The following KCNAB1 variants were observed in gnomAD, a reference collection of about 807,000 sequenced individuals.
KCNAB1 encodes potassium voltage-gated channel subfamily A regulatory beta subunit 1, also known as voltage-gated potassium channel subunit beta-1.
KCNAB1 carries 35 observed loss-of-function variants against 64.6 expected under a neutral mutation model. The ratio of observed to expected loss-of-function variants is 0.54; its 90% CI spans 0.41 to 0.72. KCNAB1 has a LOEUF of 0.72. KCNAB1 is among the 30% of genes least tolerant of loss of function. KCNAB1 has a pLI of 0.00. For missense variants in KCNAB1, 401 were observed against 512.9 expected, an observed-to-expected ratio of 0.78 and a Z score of 2.11; for synonymous variants, 177 against 183.8, an observed-to-expected ratio of 0.96 and a Z score of 0.30.
chr3:156,168,628 C>T (rs1711760658), intron 1 of KCNAB1, among the ~76,000 whole-genome samples: 2 of 152,072 alleles, frequency 1.3e-5, no homozygotes, highest in South Asian at 4.1e-4. Context: ...AACATGGATA[C>T]ATCAAAATGT....
intron 1 of KCNAB1, among the ~76,000 whole-genome samples, chr3:156,359,141 A>G (rs1725442841): frequency 6.6e-6 from 1 of 152,206 alleles, no homozygotes; most frequent in Non-Finnish European, 1.5e-5. Flanking sequence ...TTCTTTCAAA[A>G]TCATACTGTT....
chr3:156,215,377 A>C (rs1391849118), intron 1 of KCNAB1, among the ~76,000 whole-genome samples: 1 of 152,194 alleles, frequency 6.6e-6, no homozygotes, highest in Non-Finnish European at 1.5e-5. Context: ...GAGATGGATA[A>C]ATTTAGTTTC....
chr3:156,160,101 G>T (rs1715987418), intron 1 of KCNAB1, among the ~76,000 whole-genome samples: 1 of 152,186 alleles, frequency 6.6e-6, no homozygotes, highest in Non-Finnish European at 1.5e-5. Flanking sequence ...CATTCACAGG[G>T]TTGGATAAGA....
chr3:156,138,520 C>T (rs1714505417), intron 1 of KCNAB1, among the ~76,000 whole-genome samples: 1 of 152,196 alleles, frequency 6.6e-6, no homozygotes, highest in Non-Finnish European at 1.5e-5. Flanking sequence ...TTCAACAAAT[C>T]ACCTCGTTAG....
intron 1 of KCNAB1, among the ~76,000 whole-genome samples, chr3:156,403,331 G>A (rs1262584173): frequency 6.6e-6 from 1 of 152,158 alleles, no homozygotes; most frequent in Non-Finnish European, 1.5e-5. Context: ...GGCATCCAAG[G>A]ACCTGAGGAA....
chr3:156,434,405 A>G (rs1274591747), intron 2 of KCNAB1, among the ~76,000 whole-genome samples: 2 of 152,256 alleles, frequency 1.3e-5, no homozygotes, highest in African/African-American at 4.8e-5. Flanking sequence ...CTGTCAGCAT[A>G]TACAGACAGC....
intron 8 of KCNAB1, among the ~76,000 whole-genome samples, chr3:156,475,879 A>G (rs1263327517): frequency 6.6e-6 from 1 of 152,214 alleles, no homozygotes; most frequent in African/African-American, 2.4e-5. Flanking sequence ...CATTTGTCTC[A>G]TTCTCAACTA....
At chr3:156,462,587 G>T (rs186308649) in intron 5 of KCNAB1, among the ~76,000 whole-genome samples, 1 of 152,260 alleles carries the variant, frequency 6.6e-6, no homozygotes, top group African/African-American at 2.4e-5. Flanking sequence ...GGATGGGGCT[G>T]CTAACATTTT....
At chr3:156,291,866 T>C (rs368507650) in intron 1 of KCNAB1, 5 of 1,611,320 alleles carry the variant, frequency 3.1e-6, no homozygotes, top group Non-Finnish European at 8.5e-7. Context: ...ACTGCCTGTG[T>C]TCTGGGGTTC....
intron 1 of KCNAB1, chr3:156,292,171 A>G (rs1022912396): frequency 6.2e-7 from 1 of 1,601,864 alleles, no homozygotes; most frequent in Non-Finnish European, 8.5e-7. Context: ...TCCAGGTTCT[A>G]TACAGGTGCA....
chr3:156,328,214 G>A (rs1723106047), intron 1 of KCNAB1, among the ~76,000 whole-genome samples: 1 of 152,132 alleles, frequency 6.6e-6, no homozygotes. Flanking sequence ...TGGTAAATGA[G>A]GCTGGATAGT....
At chr3:156,262,177 G>A (rs1718470101) in intron 1 of KCNAB1, among the ~76,000 whole-genome samples, 1 of 151,742 alleles carries the variant, frequency 6.6e-6, no homozygotes, top group African/African-American at 2.4e-5. Context: ...TCAAGTCTGG[G>A]CATCTTTAAT....
intron 1 of KCNAB1, among the ~76,000 whole-genome samples, chr3:156,404,729 T>C (rs1293699085): frequency 2.0e-5 from 3 of 152,224 alleles, no homozygotes; most frequent in Non-Finnish European, 4.4e-5. Flanking sequence ...AGTCCAGCCC[T>C]AAAGTCAGAG....
intron 1 of KCNAB1, among the ~76,000 whole-genome samples, chr3:156,388,089 A>C (rs1712746571): frequency 6.6e-6 from 1 of 152,182 alleles, no homozygotes; most frequent in Admixed American, 6.5e-5. Flanking sequence ...GCTTGGAAAA[A>C]GTCTGGTCAA....
chr3:156,165,141 A>G (rs912576555), intron 1 of KCNAB1, among the ~76,000 whole-genome samples: 2 of 150,726 alleles, frequency 1.3e-5, no homozygotes, highest in Admixed American at 6.6e-5. Flanking sequence ...AGCCGGGCGT[A>G]GTGGCGGGCG....
At chr3:156,172,560 G>A (rs773772785) in intron 1 of KCNAB1, among the ~76,000 whole-genome samples, 5 of 152,124 alleles carry the variant, frequency 3.3e-5, no homozygotes, top group South Asian at 2.1e-4. Context: ...GATTACAGGC[G>A]CGAGCCACCA....
intron 1 of KCNAB1, among the ~76,000 whole-genome samples, chr3:156,202,405 C>G (rs1714393764): frequency 1.3e-5 from 2 of 152,212 alleles, no homozygotes; most frequent in Non-Finnish European, 2.9e-5. Flanking sequence ...TCCTTCAGCC[C>G]AGCAACTGTG....
Position 156,151,258 on chromosome 3 carries a change from G to A in KCNAB1, c.275+30372G>A, listed in dbSNP as rs1293341466. Among the ~76,000 whole-genome samples the A allele has an allele frequency of 3.3e-5, 5 of 152,244 alleles. No individual in the cohort carries two copies. The East Asian group carries it at 5.8e-4, about 18-fold the overall frequency. ...CCCACTGTTTGTTTTCACATATCAC[G>A]TGTCACCTCTCCACACTTAGAGCGA... On this transcript the variant is annotated intron_variant, in intron 1 of 13. Transcript: ENST00000490337.
At chr3:156,184,914 A>G (rs1159913582) in intron 1 of KCNAB1, among the ~76,000 whole-genome samples, 1 of 152,174 alleles carries the variant, frequency 6.6e-6, no homozygotes. Context: ...CAGGCTCCAG[A>G]TCCAGTCAAT....
Sources: gnomAD v4.1 joint callset for allele counts (sites outside exome capture counted in the v4.1 genomes callset) on GRCh38, gnomAD v4.1.1 for gene constraint, MANE v1.5 for transcripts, NCBI Gene and HGNC (gene_info 2026-07-23, HGNC 2026-07-21) for gene names.